The following TMEM123 variants were observed in gnomAD, a reference collection of about 807,000 sequenced individuals.
The protein encoded by TMEM123 is porimin.
A neutral mutation model predicts 19.7 loss-of-function variants in TMEM123; 16 were observed. That is an observed-to-expected ratio of 0.81 (90% CI 0.55 to 1.23). The LOEUF is 1.23. Ranked by LOEUF, TMEM123 falls within the 50% of genes most tolerant of loss-of-function variation. The pLI, the probability that TMEM123 is intolerant of heterozygous loss-of-function variation, is 0.00. For missense variants in TMEM123, 313 were observed against 257.8 expected, an observed-to-expected ratio of 1.21 and a Z score of -1.47; for synonymous variants, 118 against 99.4, an observed-to-expected ratio of 1.19 and a Z score of -1.12.
intron 2 of TMEM123, among the ~76,000 whole-genome samples, chr11:102,436,964 T>C (rs1159719726): frequency 6.6e-6 from 1 of 152,250 alleles, no homozygotes; most frequent in African/African-American, 2.4e-5. Context: ...TTGATTTTTC[T>C]GGCCTAGGTC....
At chr11:102,405,857 C>T (rs1423279756) in intron 2 of TMEM123, among the ~76,000 whole-genome samples, 2 of 152,178 alleles carry the variant, frequency 1.3e-5, no homozygotes, top group Non-Finnish European at 2.9e-5. Context: ...TTGTCGATTT[C>T]TATGAATTGA....
intron 2 of TMEM123, among the ~76,000 whole-genome samples, chr11:102,421,017 G>C (rs531232170): frequency 6.6e-6 from 1 of 152,032 alleles, no homozygotes; most frequent in Non-Finnish European, 1.5e-5. Flanking sequence ...ACTGCACTCC[G>C]GCCTGGGTGA....
intron 2 of TMEM123, among the ~76,000 whole-genome samples, chr11:102,424,983 G>C (rs186206244): frequency 6.6e-5 from 10 of 152,304 alleles, no homozygotes; most frequent in Admixed American, 5.2e-4. Context: ...AAACACTAGA[G>C]GCAGAAAACC....
chr11:102,441,186 A>G (rs1857822021), intron 2 of TMEM123, among the ~76,000 whole-genome samples: 1 of 152,204 alleles, frequency 6.6e-6, no homozygotes, highest in Non-Finnish European at 1.5e-5. Context: ...GCTCTGCACC[A>G]AGCGGACCTA....
At chr11:102,436,870 T>C (rs1344318328) in intron 2 of TMEM123, among the ~76,000 whole-genome samples, 2 of 152,250 alleles carry the variant, frequency 1.3e-5, no homozygotes, top group South Asian at 2.1e-4. Flanking sequence ...TTCATTCTCC[T>C]ATTCACACTA....
At chr11:102,402,416 T>C (rs1186133769) in intron 2 of TMEM123, among the ~76,000 whole-genome samples, 3 of 151,610 alleles carry the variant, frequency 2.0e-5, no homozygotes, top group Non-Finnish European at 2.9e-5. Context: ...TCTAAATTTA[T>C]ATAAAGTTAG....
chr11:102,413,590 C>T (rs1175089205), intron 2 of TMEM123, among the ~76,000 whole-genome samples: 1 of 152,198 alleles, frequency 6.6e-6, no homozygotes, highest in African/African-American at 2.4e-5. Context: ...CCCAGACCTC[C>T]AGGGTTAGAG....
intron 1 of TMEM123, among the ~76,000 whole-genome samples, chr11:102,450,789 C>T (rs939198810): frequency 6.6e-6 from 1 of 152,082 alleles, no homozygotes; most frequent in South Asian, 2.1e-4. Flanking sequence ...ATTTATGGAC[C>T]TAAATTAGCA....
chr11:102,397,668 A>AACTT lies in TMEM123; in HGVS notation c.*1195_*1198dup, dbSNP rs1951869094. The AACTT allele has an allele frequency of 6.6e-6, 1 of 152,156 alleles. No homozygotes were observed. The highest frequency in any genetic ancestry group is 2.1e-4 in the South Asian group (1 of 4,832). The allele number at this position is 152,156 out of a possible 1,614,324, so 9.4% of individuals were successfully genotyped here. A position where few individuals can be genotyped will look rare whatever the true frequency, so the allele number is the denominator to read the frequency against. ...TGTCCTCTCTAAAAATTCCTCTCAAAACTTTCTAAGAATTTATTCTAAAAT... is the reference window on the plus strand; with the variant it reads ...TGTCCTCTCTAAAAATTCCTCTCAAAACTTACTTTCTAAGAATTTATTCTAAAAT... On this transcript the variant is annotated 3_prime_UTR_variant, in exon 5 of 5. Transcript: ENST00000398136.
At chr11:102,452,366 T>C in intron 1 of TMEM123, 158 bp downstream of exon 1, 1 of 541,436 alleles carries the variant, frequency 1.8e-6, no homozygotes, top group South Asian at 5.4e-5. Flanking sequence ...GGTCCAAACC[T>C]CAGTTTCCCC....
chr11:102,424,563 C>T (rs558554900), intron 2 of TMEM123, among the ~76,000 whole-genome samples: 1 of 152,240 alleles, frequency 6.6e-6, no homozygotes, highest in East Asian at 1.9e-4. Flanking sequence ...GTGGCGCACA[C>T]CTGTAGTCCC....
intron 2 of TMEM123, among the ~76,000 whole-genome samples, chr11:102,415,163 A>G (rs925664159): frequency 6.6e-6 from 1 of 152,212 alleles, no homozygotes; most frequent in African/African-American, 2.4e-5. Context: ...TATACACTCA[A>G]CACTGGAGAA....
At position 102,411,695 on chromosome 11, in the gene TMEM123, A is replaced by AC. The variant is rs562232136; in HGVS notation, c.158-9490_158-9489insG. Among the ~76,000 whole-genome samples the AC allele has an allele frequency of 2.9e-3, 439 of 152,256 alleles. 3 individuals carry two copies. The highest frequency in any genetic ancestry group is 9.8e-3 in the African/African-American group (407 of 41,532). On this transcript the variant is annotated intron_variant, in intron 2 of 4. Coordinates refer to ENST00000398136, the MANE Select transcript of TMEM123 (RefSeq NM_052932.3). ...ACTGGCAGAGGTGGGAAAAAAAAAA[A>AC]ACACACATCTGGTGTCGGAAGTGCC...
chr11:102,433,243 T>C (rs1408858269), intron 2 of TMEM123, among the ~76,000 whole-genome samples: 1 of 151,864 alleles, frequency 6.6e-6, no homozygotes, highest in Non-Finnish European at 1.5e-5. Context: ...TGACAGCATC[T>C]GGGAAGGGGG....
At chr11:102,443,168 A>C (rs907288833) in intron 2 of TMEM123, among the ~76,000 whole-genome samples, 6 of 152,220 alleles carry the variant, frequency 3.9e-5, no homozygotes, top group Non-Finnish European at 5.9e-5. Context: ...GCTACCAATG[A>C]CTTTCTTCAC....
In TMEM123 at chr11:102,420,348, C is replaced by G. The variant is rs182192603; in HGVS notation, c.158-18142G>C. Among the ~76,000 whole-genome samples the G allele has an allele frequency of 1.7e-3, 260 of 152,338 alleles. 1 individual carries two copies. Among genetic ancestry groups the G allele is most frequent in the African/African-American group, 6.2e-3 (257 of 41,580 alleles). On this transcript the variant is annotated intron_variant, in intron 2 of 4. Transcript: ENST00000398136. ...TGTCTTTTACTGTCTAGGCATAGATCTGACCTGGAATGAGCTCACAAAAGC... is the reference window on the plus strand; with the variant it reads ...TGTCTTTTACTGTCTAGGCATAGATGTGACCTGGAATGAGCTCACAAAAGC...
Position 102,398,798 on chromosome 11 carries a change from T to A in TMEM123, c.*69A>T. ...TCAAAAAGAGAATATTGTTTTAAAC[T>A]ATTAATAAACCAAAATTAATTGATA... is the stretch of plus-strand genomic sequence containing the variant. On this transcript the variant is annotated 3_prime_UTR_variant, in exon 5 of 5. Transcript: ENST00000398136. 1 of 1,516,758 alleles carries A rather than the reference T, an allele frequency of 6.6e-7. No individual in the cohort carries two copies. The highest frequency in any genetic ancestry group is 1.8e-5 in the Admixed American group (1 of 54,932). The allele number at this position is 1,516,758 out of a possible 1,614,324, so 94.0% of individuals were successfully genotyped here.
chr11:102,402,023 G>C lies in TMEM123; in HGVS notation c.341C>G (p.Ser114Cys), dbSNP rs946765427. Residue 114 changes from serine to cysteine, a missense_variant, in exon 3 of 5, where the codon TCT (serine) becomes TGT (cysteine). Ser to Cys is a moderately radical substitution (Grantham distance 112). Coordinates refer to ENST00000398136, the MANE Select transcript of TMEM123 (RefSeq NM_052932.3). ...STNMTSTTLK[S>C]TPKTTSVSQN... is the part of the protein sequence containing the mutation. ...TGAAACACTTGTTGTTTTGGGTGTA[G>C]ACTTTAAGGTGGTAGAAGTCATATT... 5 of 1,614,008 alleles carry C rather than the reference G, an allele frequency of 3.1e-6. No homozygotes were observed. In the Admixed American group the frequency reaches 6.7e-5, roughly 22 times the overall value.
chr11:102,396,454 A>G lies in TMEM123; in HGVS notation c.*2413T>C, dbSNP rs1042291967. 2.0e-5 allele frequency: 3 copies of G among 152,244 alleles called. No individual in the cohort carries two copies. The highest frequency in any genetic ancestry group is 7.2e-5 in the African/African-American group (3 of 41,460). 9.4% of individuals were successfully genotyped at this position (152,244 alleles called of 1,614,324 possible). On this transcript the variant is annotated 3_prime_UTR_variant, in exon 5 of 5. Transcript: ENST00000398136. ...TTTTTTTTTGTGAAAATACAAAATT[A>G]TCACTATAATATACTGCCAACTCTG...
Sources: gnomAD v4.1 joint callset for allele counts (sites outside exome capture counted in the v4.1 genomes callset) on GRCh38, gnomAD v4.1.1 for gene constraint, MANE v1.5 for transcripts, NCBI Gene and HGNC (gene_info 2026-07-23, HGNC 2026-07-21) for gene names.